The following KIFAP3 variants were observed in gnomAD, a reference collection of about 807,000 sequenced individuals.
The protein encoded by KIFAP3 is kinesin-associated protein 3.
A neutral mutation model predicts 106.5 loss-of-function variants in KIFAP3; 68 were observed. The observed-to-expected ratio is 0.64, with a 90% CI of 0.53 to 0.78. KIFAP3 has a LOEUF of 0.78. Among genes scored for constraint, KIFAP3 ranks in the 30% least tolerant of loss-of-function variants. The pLI is 0.00. For missense variants in KIFAP3, 780 were observed against 941.8 expected (o/e 0.83, Z 2.25); for synonymous variants, 320 against 311.5 (o/e 1.03, Z -0.29).
Position 170,064,103 on chromosome 1 carries a change from C to A in KIFAP3, c.33-8667G>T, listed in dbSNP as rs80032877. ...GTGGGAGGTATATAGATGTTACATCCAGCAACTGTTGCTTAATACCTTGAT... is the reference window on the plus strand; with the variant it reads ...GTGGGAGGTATATAGATGTTACATCAAGCAACTGTTGCTTAATACCTTGAT... On this transcript the variant is annotated intron_variant, in intron 1 of 19. Transcript: ENST00000361580. Among the ~76,000 whole-genome samples the A allele has an allele frequency of 8.1e-3, 1,235 of 152,272 alleles. 22 individuals carry two copies. The highest frequency in any genetic ancestry group is 0.027 in the African/African-American group (1,130 of 41,562).
intron 1 of KIFAP3, among the ~76,000 whole-genome samples, chr1:170,058,482 C>A (rs1670965838): frequency 6.6e-6 from 1 of 152,108 alleles, no homozygotes; most frequent in Non-Finnish European, 1.5e-5. Context: ...ACCTTACCAA[C>A]TGTCAGAGCA....
chr1:170,041,590 GC>G, intron 3 of KIFAP3: 1 of 1,009,078 alleles, frequency 9.9e-7, no homozygotes, highest in Non-Finnish European at 1.5e-6. Context: ...CATTTCAGAG[GC>G]CCGGAGATGA....
chr1:169,981,600 A>G (rs954861147), intron 15 of KIFAP3, among the ~76,000 whole-genome samples: 26 of 152,296 alleles, frequency 1.7e-4, no homozygotes, highest in Admixed American at 1.6e-3. Context: ...GTTTAGAAAA[A>G]AAAAGTATAT....
intron 10 of KIFAP3, among the ~76,000 whole-genome samples, chr1:169,996,197 T>C (rs1421591663): frequency 6.6e-6 from 1 of 152,084 alleles, no homozygotes. Context: ...TGGTCAAAGG[T>C]GAAAGTTCCT....
At chr1:169,940,209 G>C (rs1054029993) in intron 19 of KIFAP3, among the ~76,000 whole-genome samples, 13 of 152,176 alleles carry the variant, frequency 8.5e-5, no homozygotes, top group African/African-American at 3.1e-4. Context: ...ATAACCTGGG[G>C]TAAGTTGCTT....
At chr1:169,952,606 G>T (rs1664785860) in intron 19 of KIFAP3, among the ~76,000 whole-genome samples, 1 of 152,026 alleles carries the variant, frequency 6.6e-6, no homozygotes, top group Non-Finnish European at 1.5e-5. Context: ...TCCAAATGAG[G>T]CAGCATGTTA....
intron 19 of KIFAP3, among the ~76,000 whole-genome samples, chr1:169,938,472 A>G (rs1663927729): frequency 6.6e-6 from 1 of 152,102 alleles, no homozygotes; most frequent in African/African-American, 2.4e-5. Context: ...AGGATACTGA[A>G]ATAGTAAAAA....
At chr1:169,993,182 A>T (rs1667186017) in intron 10 of KIFAP3, among the ~76,000 whole-genome samples, 1 of 146,816 alleles carries the variant, frequency 6.8e-6, no homozygotes, top group Non-Finnish European at 1.5e-5. Flanking sequence ...ATCTTGGCTC[A>T]CTGCAACCTC....
intron 17 of KIFAP3, among the ~76,000 whole-genome samples, chr1:169,967,158 T>C (rs1404520146): frequency 2.0e-5 from 3 of 151,938 alleles, no homozygotes; most frequent in Admixed American, 1.3e-4. Context: ...ATATTAAAAG[T>C]AAATCAACTG....
chr1:169,995,644 G>A (rs977334644), intron 10 of KIFAP3, among the ~76,000 whole-genome samples: 3 of 152,036 alleles, frequency 2.0e-5, no homozygotes, highest in Non-Finnish European at 4.4e-5. Flanking sequence ...TTCAATGTGA[G>A]GCTAGGAATG....
At chr1:170,057,050 C>G (rs1264322053) in intron 1 of KIFAP3, among the ~76,000 whole-genome samples, 1 of 152,096 alleles carries the variant, frequency 6.6e-6, no homozygotes, top group African/African-American at 2.4e-5. Flanking sequence ...TGTAGCATCA[C>G]TATAAGAAAC....
At chr1:169,972,273 C>T (rs1050090582) in intron 17 of KIFAP3, among the ~76,000 whole-genome samples, 5 of 151,954 alleles carry the variant, frequency 3.3e-5, no homozygotes, top group African/African-American at 1.2e-4. Flanking sequence ...TCTGTGATGA[C>T]ATGTAGATCA....
chr1:170,029,222 G>A (rs895139201), intron 8 of KIFAP3, among the ~76,000 whole-genome samples: 4 of 151,974 alleles, frequency 2.6e-5, no homozygotes, highest in African/African-American at 9.7e-5. Context: ...CAAGAATACA[G>A]AGCTTCAAAA....
intron 2 of KIFAP3, among the ~76,000 whole-genome samples, chr1:170,047,595 T>C (rs6658442): frequency 0.17 from 23,295 of 134,794 alleles, 2,061 homozygotes; most frequent in Middle Eastern, 0.27. Flanking sequence ...TACTCCAGCC[T>C]GTGTGACAGG....
At chr1:169,953,502 T>G (rs1407570463) in intron 19 of KIFAP3, among the ~76,000 whole-genome samples, 2 of 152,198 alleles carry the variant, frequency 1.3e-5, no homozygotes, top group African/African-American at 4.8e-5. Flanking sequence ...GAGCATATTT[T>G]GTTTTAGATC....
upstream of KIFAP3, among the ~76,000 whole-genome samples, chr1:170,075,001 T>G (rs1671870303): frequency 1.3e-5 from 2 of 152,206 alleles, no homozygotes; most frequent in African/African-American, 4.8e-5. Context: ...TGGCCCTGAT[T>G]GCACTTACAA....
intron 3 of KIFAP3, among the ~76,000 whole-genome samples, chr1:170,045,240 C>T (rs1448444069): frequency 6.6e-6 from 1 of 152,060 alleles, no homozygotes; most frequent in African/African-American, 2.4e-5. Flanking sequence ...TATAGTGTTC[C>T]TCACCTGCGA....
At chr1:169,995,333 C>A (rs1272053050) in intron 10 of KIFAP3, among the ~76,000 whole-genome samples, 1 of 151,772 alleles carries the variant, frequency 6.6e-6, no homozygotes, top group African/African-American at 2.4e-5. Context: ...TTTTTTTTCC[C>A]CCGGAAATTG....
rs775415248 is a variant in KIFAP3 at position 169,972,609 on chromosome 1, A to C, written c.1898-11T>G. On this transcript the variant is annotated splice_polypyrimidine_tract_variant and intron_variant, in intron 16 of 19. Transcript: ENST00000361580. ...GATATGCTGGAGCCTCTGAATAAAA[A>C]TGGTTAAAGAAACAAACTACATTTG... 3 of 1,382,716 alleles carry C rather than the reference A, an allele frequency of 2.2e-6. No individual in the cohort carries two copies. In the South Asian group the frequency reaches 3.7e-5, roughly 17 times the overall value. 85.7% of individuals were successfully genotyped at this position (1,382,716 alleles called of 1,614,324 possible). A position where few individuals can be genotyped will look rare whatever the true frequency, so the allele number is the denominator to read the frequency against.
Sources: allele counts gnomAD v4.1 joint callset (sites outside exome capture counted in the v4.1 genomes callset), GRCh38; gene constraint gnomAD v4.1.1; transcripts MANE v1.5; gene names NCBI Gene and HGNC (gene_info 2026-07-23, HGNC 2026-07-21).